GPC6: variants seen among roughly 807,000 people sequenced by gnomAD.
GPC6 encodes glypican-6.
Under a neutral mutation model 55.2 loss-of-function variants are expected in GPC6, and 14 were observed. The ratio of observed to expected loss-of-function variants is 0.25; its 90% CI spans 0.17 to 0.40. GPC6 has a LOEUF of 0.40. GPC6 is among the 10% of genes least tolerant of loss of function. The probability of loss-of-function intolerance (pLI) is 1.00; values close to 1 mark genes in which losing one functional copy is unlikely to be tolerated. For synonymous variants in GPC6, 278 were observed against 259.6 expected (o/e 1.07, Z -0.68); for missense variants, 641 against 708.5 (o/e 0.90, Z 1.08).
At chr13:93,801,530 A>G (rs764431695) in intron 2 of GPC6, among the ~76,000 whole-genome samples, 1 of 152,062 alleles carries the variant, frequency 6.6e-6, no homozygotes, top group Non-Finnish European at 1.5e-5. Context: ...CACTCGCCCA[A>G]ATCCTCCAGG....
chr13:94,211,412 G>A (rs1428773828), intron 4 of GPC6, among the ~76,000 whole-genome samples: 5 of 152,210 alleles, frequency 3.3e-5, no homozygotes, highest in South Asian at 2.1e-4. Context: ...GTATAAGAAC[G>A]TAAAGAAAAA....
chr13:94,030,710 T>C (rs1043256438), intron 4 of GPC6, among the ~76,000 whole-genome samples: 1 of 152,194 alleles, frequency 6.6e-6, no homozygotes, highest in African/African-American at 2.4e-5. Context: ...TGCATGTACC[T>C]TCCCTGCTAG....
At chr13:93,471,281 A>C (rs1879101616) in intron 1 of GPC6, among the ~76,000 whole-genome samples, 1 of 151,276 alleles carries the variant, frequency 6.6e-6, no homozygotes, top group Non-Finnish European at 1.5e-5. Flanking sequence ...TTGGGAGGCC[A>C]AGGCAGGCAG....
intron 4 of GPC6, among the ~76,000 whole-genome samples, chr13:94,090,322 GA>G (rs1362968558): frequency 6.6e-6 from 1 of 152,128 alleles, no homozygotes; most frequent in Non-Finnish European, 1.5e-5. Context: ...GACATGTGGG[GA>G]TTATGGGAGC....
intron 1 of GPC6, among the ~76,000 whole-genome samples, chr13:93,273,150 T>G (rs1877596875): frequency 6.6e-6 from 1 of 152,170 alleles, no homozygotes; most frequent in Non-Finnish European, 1.5e-5. Flanking sequence ...GGAAAAACCT[T>G]TTAGTTCTCT....
chr13:93,815,324 A>T (rs1039068218), intron 2 of GPC6, among the ~76,000 whole-genome samples: 3 of 152,140 alleles, frequency 2.0e-5, no homozygotes, highest in Non-Finnish European at 4.4e-5. Flanking sequence ...TTTTGGGGAG[A>T]CTTTTGTGAA....
At chr13:94,125,048 T>C (rs1886757705) in intron 4 of GPC6, among the ~76,000 whole-genome samples, 1 of 152,084 alleles carries the variant, frequency 6.6e-6, no homozygotes, top group Non-Finnish European at 1.5e-5. Context: ...CTCCTAACAG[T>C]ATTTTCTGTA....
chr13:94,283,470 G>A (rs2139080718), intron 4 of GPC6, among the ~76,000 whole-genome samples: 1 of 152,336 alleles, frequency 6.6e-6, no homozygotes, highest in Non-Finnish European at 1.5e-5. Context: ...GCTTACACAA[G>A]TAGAGGGCCT....
intron 2 of GPC6, among the ~76,000 whole-genome samples, chr13:93,788,518 T>TACACACACACAC (rs71203703): frequency 0.014 from 2,085 of 148,002 alleles, 23 homozygotes; most frequent in East Asian, 0.026. Context: ...GTTCACTCTT[T>TACACACACACAC]ACACACACAC....
chr13:93,611,351 C>A (rs1313038031), intron 2 of GPC6, among the ~76,000 whole-genome samples: 1 of 151,976 alleles, frequency 6.6e-6, no homozygotes, highest in African/African-American at 2.4e-5. Context: ...ATCTAATTAA[C>A]TATAATACCT....
At chr13:93,530,028 C>CA (rs1881803551) in intron 1 of GPC6, among the ~76,000 whole-genome samples, 1 of 152,182 alleles carries the variant, frequency 6.6e-6, no homozygotes, top group South Asian at 2.1e-4. Flanking sequence ...TATGCTAAAG[C>CA]AGTGAGCACT....
At chr13:94,349,219 T>C (rs1878421899) in intron 6 of GPC6, among the ~76,000 whole-genome samples, 1 of 152,126 alleles carries the variant, frequency 6.6e-6, no homozygotes, top group African/African-American at 2.4e-5. Flanking sequence ...CCATCTGTTG[T>C]GTTATAAATT....
At chr13:94,288,592 C>G (rs1226497652) in intron 5 of GPC6, among the ~76,000 whole-genome samples, 1 of 150,694 alleles carries the variant, frequency 6.6e-6, no homozygotes, top group Non-Finnish European at 1.5e-5. Context: ...GTCTCTCTCT[C>G]TCTCAGCTCC....
chr13:94,239,092 G>A (rs1890971010), intron 4 of GPC6, among the ~76,000 whole-genome samples: 2 of 152,114 alleles, frequency 1.3e-5, no homozygotes, highest in Admixed American at 1.3e-4. Flanking sequence ...GATTTTACTA[G>A]CTTACAATGT....
intron 1 of GPC6, among the ~76,000 whole-genome samples, chr13:93,232,059 C>T (rs774750422): frequency 3.3e-5 from 5 of 151,698 alleles, no homozygotes; most frequent in Admixed American, 6.6e-5. Flanking sequence ...TCTGCTCCCC[C>T]GGCAAACCAA....
chr13:93,994,624 G>A (rs1405934838), intron 3 of GPC6, among the ~76,000 whole-genome samples: 1 of 152,166 alleles, frequency 6.6e-6, no homozygotes, highest in African/African-American at 2.4e-5. Context: ...AGGAAAGCAT[G>A]AGTGAAAGTG....
chr13:93,527,165 G>A lies in GPC6; in HGVS notation c.161-18098G>A, dbSNP rs373864782. Among the ~76,000 whole-genome samples, 104 of 151,960 alleles carry A rather than the reference G, an allele frequency of 6.8e-4. 1 individual carries two copies. The highest frequency in any genetic ancestry group is 2.2e-3 in the African/African-American group (90 of 41,448). ...GATTACTGCAGTCAAGCAACTTATC[G>A]TTAGCAGTCAAACAAATTAACATAT... On this transcript the variant is annotated intron_variant, in intron 1 of 8. Transcript: ENST00000377047.
At chr13:93,877,976 G>A (rs1472254941) in intron 3 of GPC6, among the ~76,000 whole-genome samples, 1 of 151,966 alleles carries the variant, frequency 6.6e-6, no homozygotes, top group East Asian at 1.9e-4. Flanking sequence ...TTGTAAATTT[G>A]GTTTGAAAAG....
rs762276356 is a variant in GPC6 at position 94,286,380 on chromosome 13, G to T, written c.909G>T (p.Glu303Asp). 3 of 1,613,770 alleles carry T rather than the reference G, an allele frequency of 1.9e-6. No homozygotes were observed. Among genetic ancestry groups the T allele is most frequent in the Non-Finnish European group, 2.5e-6 (3 of 1,179,800 alleles). Residue 303 changes from glutamate (E) to aspartate (D), a missense_variant, in exon 5 of 9, where the codon GAG (glutamate) becomes GAT (aspartate). Coordinates refer to ENST00000377047, the MANE Select transcript of GPC6 (RefSeq NM_005708.5). ...TGCTCTTGGTGGCAGAGCGACTGGA[G>T]GGGCCATTCAACATTGAGTCGGTCA... The part of the protein sequence containing the change: ...DAMLLVAERL[E>D]GPFNIESVMD...
Sources: allele counts gnomAD v4.1 joint callset (sites outside exome capture counted in the v4.1 genomes callset), GRCh38; gene constraint gnomAD v4.1.1; transcripts MANE v1.5; gene names NCBI Gene and HGNC (gene_info 2026-07-23, HGNC 2026-07-21).